The following SLC44A5 variants were observed in gnomAD, a reference collection of about 807,000 sequenced individuals.
SLC44A5 encodes the protein choline transporter-like protein 5.
In SLC44A5, 57 loss-of-function variants were observed where a neutral mutation model predicts 101.8. The ratio of observed to expected loss-of-function variants is 0.56; its 90% CI spans 0.45 to 0.70. The LOEUF (loss-of-function observed/expected upper bound fraction) is 0.70, where lower values mean the gene tolerates loss of function less well. Ranked by LOEUF, SLC44A5 falls within the 30% of genes least tolerant of loss-of-function variation. The probability of loss-of-function intolerance (pLI) is 0.00; values close to 1 mark genes in which losing one functional copy is unlikely to be tolerated. For missense variants in SLC44A5, 737 were observed against 853.1 expected, an observed-to-expected ratio of 0.86 and a Z score of 1.70; for synonymous variants, 281 against 290.9, an observed-to-expected ratio of 0.97 and a Z score of 0.35.
At chr1:75,472,277 A>G (rs1370409887) in intron 2 of SLC44A5, among the ~76,000 whole-genome samples, 5 of 152,122 alleles carry the variant, frequency 3.3e-5, no homozygotes, top group Admixed American at 2.6e-4. Flanking sequence ...TTTCTGATTC[A>G]GTCATGAGTA....
chr1:75,282,227 A>C (rs769808774), intron 5 of SLC44A5, among the ~76,000 whole-genome samples: 2 of 152,240 alleles, frequency 1.3e-5, no homozygotes, highest in Non-Finnish European at 2.9e-5. Flanking sequence ...TTAAGGTTTA[A>C]TGACTGCCCT....
upstream of SLC44A5, among the ~76,000 whole-genome samples, chr1:75,615,436 T>TACACACACACACACACACACACACACAC (rs56337760): frequency 1.5e-5 from 2 of 133,510 alleles, no homozygotes; most frequent in African/African-American, 5.9e-5. Context: ...CACACATACA[T>TACACACACACACACACACACACACACAC]ACACACACAC....
chr1:75,636,695 A>C, the SLC44A5 span, among the ~76,000 whole-genome samples: 1 of 152,180 alleles, frequency 6.6e-6, no homozygotes, highest in Non-Finnish European at 1.5e-5. Context: ...CAAAGAAATA[A>C]ATAACTACAG....
At chr1:75,218,000 C>T (rs901576393) in intron 17 of SLC44A5, 40 bp from the exon 18 acceptor site, 11 of 1,317,080 alleles carry the variant, frequency 8.4e-6, no homozygotes, top group Non-Finnish European at 1.2e-5. Context: ...AAACTTAATA[C>T]TATTATTTAA....
chr1:75,478,518 A>G (rs1212013559), intron 2 of SLC44A5, among the ~76,000 whole-genome samples: 1 of 152,170 alleles, frequency 6.6e-6, no homozygotes, highest in African/African-American at 2.4e-5. Context: ...TCTCACATGC[A>G]GAGACACACA....
chr1:75,464,724 G>T (rs115033237), intron 2 of SLC44A5, among the ~76,000 whole-genome samples: 231 of 152,202 alleles, frequency 1.5e-3, no homozygotes, highest in African/African-American at 5.4e-3. Flanking sequence ...AAGACAGCAG[G>T]AGTCACTATG....
At chr1:75,263,338 C>T (rs1650697101) in intron 6 of SLC44A5, among the ~76,000 whole-genome samples, 3 of 152,132 alleles carry the variant, frequency 2.0e-5, no homozygotes, top group Admixed American at 1.3e-4. Flanking sequence ...ACAGACACTT[C>T]TTAGAAGAAG....
intron 2 of SLC44A5, among the ~76,000 whole-genome samples, chr1:75,486,192 C>G (rs1668140564): frequency 6.6e-6 from 1 of 152,130 alleles, no homozygotes; most frequent in Non-Finnish European, 1.5e-5. Flanking sequence ...TTCAAGACAG[C>G]AAATCAAATG....
the SLC44A5 span, among the ~76,000 whole-genome samples, chr1:75,637,262 A>G: frequency 6.6e-5 from 10 of 152,180 alleles, no homozygotes; most frequent in East Asian, 1.5e-3. Context: ...AAACAACCCA[A>G]ACATCCATCA....
At chr1:75,549,853 T>A (rs148578909) in intron 1 of SLC44A5, among the ~76,000 whole-genome samples, 1,550 of 152,158 alleles carry the variant, frequency 0.01, 13 homozygotes, top group South Asian at 0.014. Context: ...GATGTGAACA[T>A]CCTGTAAAGG....
intron 2 of SLC44A5, among the ~76,000 whole-genome samples, chr1:75,515,968 T>C (rs953888797): frequency 3.3e-5 from 5 of 152,202 alleles, no homozygotes; most frequent in Admixed American, 2.6e-4. Flanking sequence ...TAATATATCA[T>C]TGTGGTTTTA....
intron 6 of SLC44A5, among the ~76,000 whole-genome samples, chr1:75,271,966 A>G (rs553518055): frequency 6.6e-6 from 1 of 152,112 alleles, no homozygotes; most frequent in Admixed American, 6.6e-5. Flanking sequence ...CACCACATAC[A>G]TGCCAACATC....
chr1:75,241,247 C>T (rs1331812817), intron 9 of SLC44A5, among the ~76,000 whole-genome samples: 1 of 151,710 alleles, frequency 6.6e-6, no homozygotes, highest in Non-Finnish European at 1.5e-5. Context: ...TTTTTAGAGA[C>T]AGTGTTTCAC....
At chr1:75,260,782 C>T (rs1434046962) in intron 6 of SLC44A5, among the ~76,000 whole-genome samples, 1 of 152,114 alleles carries the variant, frequency 6.6e-6, no homozygotes, top group Non-Finnish European at 1.5e-5. Context: ...AAGTAAAACA[C>T]TCCTCAGCAA....
chr1:75,470,283 T>C (rs1419061805), intron 2 of SLC44A5, among the ~76,000 whole-genome samples: 2 of 152,166 alleles, frequency 1.3e-5, no homozygotes, highest in African/African-American at 2.4e-5. Context: ...GTAAAAAACA[T>C]ACTCAAAGAT....
At chr1:75,312,433 G>A (rs981734131) in intron 4 of SLC44A5, among the ~76,000 whole-genome samples, 10 of 152,058 alleles carry the variant, frequency 6.6e-5, no homozygotes, top group Non-Finnish European at 1.0e-4. Flanking sequence ...AGTTCTGAGA[G>A]GTGAGATCTT....
At chr1:75,689,112 T>C in the SLC44A5 span, among the ~76,000 whole-genome samples, 552 of 152,310 alleles carry the variant, frequency 3.6e-3, 6 homozygotes, top group African/African-American at 0.013. Flanking sequence ...TACACCTGGA[T>C]GGTACTGCCT....
chr1:75,433,331 C>T (rs1664716291), intron 2 of SLC44A5, among the ~76,000 whole-genome samples: 1 of 152,124 alleles, frequency 6.6e-6, no homozygotes, highest in Non-Finnish European at 1.5e-5. Context: ...TGGCCAATAA[C>T]TTTCTCATTA....
At chr1:75,319,069 C>A (rs1373312987) in intron 4 of SLC44A5, among the ~76,000 whole-genome samples, 2 of 151,998 alleles carry the variant, frequency 1.3e-5, no homozygotes, top group Non-Finnish European at 2.9e-5. Flanking sequence ...TAATAAGGCC[C>A]CAATAAAAAT....
Sources: allele counts gnomAD v4.1 joint callset (sites outside exome capture counted in the v4.1 genomes callset), GRCh38; gene constraint gnomAD v4.1.1; transcripts MANE v1.5; gene names NCBI Gene and HGNC (gene_info 2026-07-23, HGNC 2026-07-21).